Variants in PHEX observed in about 807,000 individuals in gnomAD.
PHEX encodes phosphate regulating endopeptidase X-linked.
A neutral mutation model predicts 68.0 loss-of-function variants in PHEX; 16 were observed. That is an observed-to-expected ratio of 0.24 (90% confidence interval 0.16 to 0.36). The LOEUF (loss-of-function observed/expected upper bound fraction) is 0.36. PHEX is among the 10% of genes least tolerant of loss of function. The pLI is 1.00. For missense variants in PHEX, 480 were observed against 575.5 expected, an observed-to-expected ratio of 0.83 and a Z score of 1.70; for synonymous variants, 208 against 205.1, an observed-to-expected ratio of 1.01 and a Z score of -0.12.
At position 22,183,718 on chromosome X, in the gene PHEX, T is replaced by TA. The variant is rs1341203866; in HGVS notation, c.1586+5353dup. Among the ~76,000 whole-genome samples the TA allele has an allele frequency of 7.8e-4, 84 of 107,424 alleles. 1 individual carries two copies. The East Asian group carries it at 0.013, about 16-fold the overall frequency. The allele number at this position is 107,424 out of a possible 115,157, so 93.3% of individuals were successfully genotyped here. A position where few individuals can be genotyped will look rare whatever the true frequency, so the allele number is the denominator to read the frequency against. On this transcript the variant is annotated intron_variant, in intron 14 of 21. Transcript: ENST00000379374. ...CTTCAGATCAGTTCCAACTCTTTTTTAAAAAAAAAAATCTGTGGAAAATTG... is the reference window on the plus strand; with the variant it reads ...CTTCAGATCAGTTCCAACTCTTTTTTAAAAAAAAAAAATCTGTGGAAAATTG...
chrX:22,045,275 T>A (rs1006518136), intron 2 of PHEX, among the ~76,000 whole-genome samples: 30 of 111,822 alleles, frequency 2.7e-4, no homozygotes, highest in African/African-American at 9.1e-4. Context: ...GGGCAGTTCA[T>A]TCATATTTAG....
intron 2 of PHEX, among the ~76,000 whole-genome samples, chrX:22,040,658 G>A (rs1241047537): frequency 9.0e-5 from 10 of 111,378 alleles, no homozygotes; most frequent in Non-Finnish European, 1.9e-5. Context: ...CCAGGTGGGG[G>A]GAACAGATGG....
At chrX:22,068,486 T>C (rs1464629540) in intron 3 of PHEX, among the ~76,000 whole-genome samples, 1 of 112,119 alleles carries the variant, frequency 8.9e-6, no homozygotes, top group Non-Finnish European at 1.9e-5. Flanking sequence ...GCCCATTCTC[T>C]CACAGGAAAG....
At chrX:22,074,359 A>G (rs955952990) in intron 3 of PHEX, among the ~76,000 whole-genome samples, 4 of 109,522 alleles carry the variant, frequency 3.7e-5, no homozygotes, top group Non-Finnish European at 5.7e-5. Flanking sequence ...TTAAAAGCCA[A>G]ATTCTGGTAC....
chrX:22,109,657 T>G (rs901781827), intron 9 of PHEX, among the ~76,000 whole-genome samples: 10 of 111,596 alleles, frequency 9.0e-5, no homozygotes, highest in Admixed American at 6.7e-4. Context: ...GGAATGTGTG[T>G]TATTAGTCAC....
intron 14 of PHEX, among the ~76,000 whole-genome samples, chrX:22,183,134 T>C (rs1360489328): frequency 9.0e-6 from 1 of 110,875 alleles, no homozygotes; most frequent in Non-Finnish European, 1.9e-5. Context: ...TTTCTAGATC[T>C]TTGACTGGCT....
At chrX:22,088,250 C>T (rs1929706981) in intron 5 of PHEX, among the ~76,000 whole-genome samples, 2 of 111,962 alleles carry the variant, frequency 1.8e-5, no homozygotes, top group Admixed American at 1.9e-4. Context: ...GGGTTGTTTC[C>T]AGTTTTGGGT....
chrX:22,128,897 A>T (rs1931856702), intron 11 of PHEX, among the ~76,000 whole-genome samples: 1 of 103,988 alleles, frequency 9.6e-6, no homozygotes, highest in African/African-American at 3.5e-5. Flanking sequence ...GATAGTACTA[A>T]ACTCTATATA....
Position 22,251,288 on chromosome X carries a change from C to A in PHEX, c.*3335C>A, listed in dbSNP as rs927617751. ...ACGATGTGAACAAGCATTTTAAGGA[C>A]AATAAAAAGTTAGCTGGTTGAAGGC... On this transcript the variant is annotated 3_prime_UTR_variant, in exon 22 of 22. Coordinates refer to ENST00000379374, the MANE Select transcript of PHEX (RefSeq NM_000444.6). 3 of 112,508 alleles carry A rather than the reference C, an allele frequency of 2.7e-5. No individual in the cohort carries two copies. Among genetic ancestry groups the A allele is most frequent in the African/African-American group, 9.7e-5 (3 of 31,016 alleles). The allele number at this position is 112,508 out of a possible 1,213,427, so 9.3% of individuals were successfully genotyped here. A position where few individuals can be genotyped will look rare whatever the true frequency, so the allele number is the denominator to read the frequency against.
intron 16 of PHEX, among the ~76,000 whole-genome samples, chrX:22,218,747 A>C (rs2147170782): frequency 8.9e-6 from 1 of 112,431 alleles, no homozygotes; most frequent in East Asian, 2.8e-4. Flanking sequence ...CTTAAGGCTG[A>C]AAGGGACTTT....
In PHEX at chrX:22,133,611, A is replaced by G; in HGVS notation, c.1391A>G (p.Lys464Arg). The G allele has an allele frequency of 8.4e-7, 1 of 1,192,867 alleles. No homozygotes were observed. The highest frequency in any genetic ancestry group is 1.8e-5 in the South Asian group (1 of 56,480). ...NEWMDAGTKR[K>R]AKEKARAVLA... Reference sequence around the variant, plus strand: ...TGGATGGATGCAGGAACGAAAAGGAAAGCCAAAGAAAAGGTAAGGATTCCT... The same window carrying G: ...TGGATGGATGCAGGAACGAAAAGGAGAGCCAAAGAAAAGGTAAGGATTCCT... The change falls in exon 12 of 22, where the codon AAA becomes AGA. Residue 464 changes from lysine to arginine, a missense_variant. Physicochemically the swap from Lys to Arg is conservative, Grantham distance 26. Transcript: ENST00000379374.
At chrX:22,080,351 C>G (rs780548271) in intron 5 of PHEX, among the ~76,000 whole-genome samples, 1 of 111,678 alleles carries the variant, frequency 9.0e-6, no homozygotes, top group African/African-American at 3.3e-5. Flanking sequence ...GTGCGGCAAA[C>G]GTTTGCTTAA....
rs77710864 is a variant in PHEX, at chrX:22,133,603, G to A, written c.1383G>A (p.Thr461=). ...EKENEWMDAG[T]KRKAKEKARA... is the part of the protein sequence containing the mutation. ...AAAATGAGTGGATGGATGCAGGAAC[G>A]AAAAGGAAAGCCAAAGAAAAGGTAA... The change falls in exon 12 of 22, where the codon ACG becomes ACA. Residue 461 remains threonine, a synonymous_variant. Transcript: ENST00000379374. 7.8e-4 allele frequency: 935 copies of A among 1,198,526 alleles called. 3 individuals carry two copies. In the African/African-American group the frequency reaches 0.012, roughly 15 times the overall value.
At chrX:22,067,294 G>T (rs1928650603) in intron 3 of PHEX, among the ~76,000 whole-genome samples, 1 of 108,407 alleles carries the variant, frequency 9.2e-6, no homozygotes, top group African/African-American at 3.3e-5. Context: ...CTTTCACTTT[G>T]AGAGTCTTTC....
Position 22,145,746 on chromosome X carries a change from G to T in PHEX, c.1404+12122G>T, listed in dbSNP as rs139018430. ...GATTCCATTCGGTGTTGCAATGTTT[G>T]ATTTTCAAATTCTATCATTCTTTTT... On this transcript the variant is annotated intron_variant, in intron 12 of 21. Coordinates refer to ENST00000379374, the MANE Select transcript of PHEX (RefSeq NM_000444.6). Among the ~76,000 whole-genome samples the T allele has an allele frequency of 4.3e-3, 477 of 111,588 alleles. 4 individuals carry two copies. Among genetic ancestry groups the T allele is most frequent in the African/African-American group, 0.015 (450 of 30,790 alleles).
At chrX:22,063,625 G>A (rs185024174) in intron 3 of PHEX, among the ~76,000 whole-genome samples, 90 of 112,312 alleles carry the variant, frequency 8.0e-4, no homozygotes, top group African/African-American at 2.9e-3. Flanking sequence ...CTCACCAGAA[G>A]CGTCGCGTCC....
rs376271227 is a variant in PHEX, at chrX:22,244,501, C to G, written c.2071-832C>G. Among the ~76,000 whole-genome samples, 91 of 110,965 alleles carry G rather than the reference C, an allele frequency of 8.2e-4. No homozygotes were observed. In the East Asian group the frequency reaches 0.024, roughly 29 times the overall value. ...CCTGTAATCCCAGGTACTTGGGAGGCTGAGGCAGGAGAATCGCTTGAACCC... is the reference window on the plus strand; with the variant it reads ...CCTGTAATCCCAGGTACTTGGGAGGGTGAGGCAGGAGAATCGCTTGAACCC... On this transcript the variant is annotated intron_variant, in intron 20 of 21. Transcript: ENST00000379374.
At chrX:22,065,723 C>T (rs1273094847) in intron 3 of PHEX, among the ~76,000 whole-genome samples, 1 of 111,855 alleles carries the variant, frequency 8.9e-6, no homozygotes, top group Non-Finnish European at 1.9e-5. Flanking sequence ...CGCGCCCGGC[C>T]GGCCCAAGCA....
At chrX:22,210,427 A>G (rs1934883729) in intron 15 of PHEX, among the ~76,000 whole-genome samples, 1 of 112,232 alleles carries the variant, frequency 8.9e-6, no homozygotes, top group African/African-American at 3.2e-5. Context: ...ATTACCAGGC[A>G]GGATAAGCCA....
Sources: gnomAD v4.1 joint callset for allele counts (sites outside exome capture counted in the v4.1 genomes callset) on GRCh38, gnomAD v4.1.1 for gene constraint, MANE v1.5 for transcripts, NCBI Gene and HGNC (gene_info 2026-07-23, HGNC 2026-07-21) for gene names.